PICALM: variants seen among roughly 807,000 people sequenced by gnomAD.
PICALM encodes phosphatidylinositol binding clathrin assembly protein.
Under a neutral mutation model 80.5 loss-of-function variants are expected in PICALM, and 40 were observed. The observed-to-expected ratio is 0.50, with a 90% CI of 0.39 to 0.65. The LOEUF (loss-of-function observed/expected upper bound fraction) is 0.65. Among genes scored for constraint, PICALM ranks in the 30% least tolerant of loss-of-function variants. The pLI is 0.00. For missense variants in PICALM, 676 were observed against 778.9 expected, an observed-to-expected ratio of 0.87 and a Z score of 1.57; for synonymous variants, 288 against 260.3, an observed-to-expected ratio of 1.11 and a Z score of -1.02.
rs781608320 is a variant in PICALM, at chr11:85,990,387, G to A, written c.1271C>T (p.Ala424Val). 6.2e-7 allele frequency: 1 copy of A among 1,603,908 alleles called. No homozygotes were observed. Among genetic ancestry groups the A allele is most frequent in the East Asian group, 2.2e-5 (1 of 44,720 alleles). The part of the protein sequence containing the change: ...VASTWGDPFS[A>V]TVDAVDDAIP... ...GGCATCATCAACAGCATCTACAGTAGCAGAGAAAGGATCTGTGCAGTCCAA... is the reference window on the plus strand; with the variant it reads ...GGCATCATCAACAGCATCTACAGTAACAGAGAAAGGATCTGTGCAGTCCAA... Residue 424 changes from alanine (A) to valine (V), a missense_variant, in exon 13 of 20, where the codon GCT becomes GTT. Physicochemically the swap from Ala to Val is moderately conservative, Grantham distance 64. Around this residue, in one of 2 missense-constraint regions of PICALM, gnomAD observed 391 missense variants for 383.6 expected, o/e 1.02. Coordinates refer to ENST00000393346, the MANE Select transcript of PICALM (RefSeq NM_007166.4).
At chr11:86,038,307 C>T (rs1252786715) in intron 1 of PICALM, among the ~76,000 whole-genome samples, 3 of 151,718 alleles carry the variant, frequency 2.0e-5, no homozygotes, top group Non-Finnish European at 2.9e-5. Context: ...GGCAACAGAG[C>T]GAGACTCCAT....
chr11:86,001,394 T>C lies in PICALM; in HGVS notation c.894-236A>G, dbSNP rs17745105. Among the ~76,000 whole-genome samples, 24,237 of 152,192 alleles carry C rather than the reference T, an allele frequency of 0.16. 2,514 individuals are homozygous for C. The highest frequency in any genetic ancestry group is 0.24 in the Middle Eastern group (71 of 294). On this transcript the variant is annotated intron_variant, in intron 9 of 19. Coordinates refer to ENST00000393346, the MANE Select transcript of PICALM (RefSeq NM_007166.4). ...ACTGCTTTCAGAGTAAGTGTTTGAC[T>C]TTGGAAAGGGTTCACAACAGAGTGG...
intron 4 of PICALM, 39 bp from the exon 5 acceptor site, chr11:86,015,002 G>A: frequency 8.1e-7 from 1 of 1,228,424 alleles, no homozygotes; most frequent in Non-Finnish European, 1.2e-6. Flanking sequence ...AAATGAATCT[G>A]CAATTAAATC....
At chr11:86,014,991 C>T (rs1244468477) in intron 4 of PICALM, 28 bp from the exon 5 acceptor site, 2 of 1,320,206 alleles carry the variant, frequency 1.5e-6, no homozygotes, top group South Asian at 1.3e-5. Flanking sequence ...GAGAAATAAA[C>T]AAATGAATCT....
chr11:86,022,585 C>G, intron 3 of PICALM, 116 bp from the exon 4 acceptor site: 1 of 537,818 alleles, frequency 1.9e-6, no homozygotes, highest in Non-Finnish European at 3.3e-6. Context: ...TATAAAATGT[C>G]TTGATATCCC....
In PICALM at chr11:86,003,373, C is replaced by T; in HGVS notation, c.886G>A (p.Ala296Thr). 3 of 1,584,598 alleles carry T rather than the reference C, an allele frequency of 1.9e-6. No homozygotes were observed. Among genetic ancestry groups the T allele is most frequent in the African/African-American group, 1.3e-5 (1 of 74,696 alleles). The change falls in exon 9 of 20, where the codon GCA (alanine) becomes ACA (threonine). Residue 296 changes from alanine (A) to threonine (T), a missense_variant. Ala to Thr is a moderately conservative substitution (Grantham distance 58). Around this residue, in one of 2 missense-constraint regions of PICALM, gnomAD observed 285 missense variants for 395.4 expected, o/e 0.72. Coordinates refer to ENST00000393346, the MANE Select transcript of PICALM (RefSeq NM_007166.4). ...CTACAAAGAATGATATACCTGCTTG[C>T]AGCTGTAGAATCTTTGATTTTCTTT... is the stretch of plus-strand genomic sequence containing the variant. ...EGKKIKDSTA[A>T]SRATTLSNAV...
chr11:86,011,843 T>A (rs1312194427), intron 6 of PICALM, among the ~76,000 whole-genome samples: 1 of 150,812 alleles, frequency 6.6e-6, no homozygotes, highest in East Asian at 1.9e-4. Flanking sequence ...AAACTTACTA[T>A]CCTTTTTGTT....
Position 86,004,708 on chromosome 11 carries a change from C to T in PICALM, c.808-1257G>A, listed in dbSNP as rs1229509540. On this transcript the variant is annotated intron_variant, in intron 8 of 19. Coordinates refer to ENST00000393346, the MANE Select transcript of PICALM (RefSeq NM_007166.4). ...GGATTTGAGACACAGTTTCTGGATA[C>T]AGGATCTAAAAATAGTTAAAGGGGC... Among the ~76,000 whole-genome samples, 3 of 152,102 alleles carry T rather than the reference C, an allele frequency of 2.0e-5. No individual in the cohort carries two copies. The East Asian group carries it at 5.8e-4, about 29-fold the overall frequency.
At chr11:85,982,029 G>C in intron 14 of PICALM, 26 bp from the exon 15 acceptor site, 3 of 1,607,546 alleles carry the variant, frequency 1.9e-6, no homozygotes, top group Non-Finnish European at 2.6e-6. Context: ...AGACGAAATA[G>C]AATTTGTAAG....
At chr11:85,999,510 G>A (rs1000936259) in intron 11 of PICALM, among the ~76,000 whole-genome samples, 1 of 152,180 alleles carries the variant, frequency 6.6e-6, no homozygotes, top group East Asian at 1.9e-4. Flanking sequence ...CCTTAATGGG[G>A]TCAATGTTAC....
At chr11:85,967,315 C>T (rs2093934091) in intron 19 of PICALM, among the ~76,000 whole-genome samples, 1 of 152,208 alleles carries the variant, frequency 6.6e-6, no homozygotes, top group African/African-American at 2.4e-5. Context: ...CAGAACTTCA[C>T]AGGCACCCCG....
intron 4 of PICALM, among the ~76,000 whole-genome samples, chr11:86,021,165 T>C (rs967929608): frequency 5.9e-5 from 9 of 152,046 alleles, no homozygotes; most frequent in Non-Finnish European, 1.2e-4. Context: ...CTTGGCAACA[T>C]AGTGAGAACT....
chr11:86,001,319 T>C (rs2095136824), intron 9 of PICALM, among the ~76,000 whole-genome samples, 161 bp from the exon 10 acceptor site: 1 of 152,228 alleles, frequency 6.6e-6, no homozygotes, highest in Non-Finnish European at 1.5e-5. Flanking sequence ...TTCTACCTAG[T>C]GATCTACAGG....
rs890996944 is a variant in PICALM, at chr11:86,068,175, G to C, written c.130+476C>G. Among the ~76,000 whole-genome samples the C allele has an allele frequency of 5.3e-5, 8 of 152,206 alleles. No individual in the cohort carries two copies. The East Asian group carries it at 1.2e-3, about 22-fold the overall frequency. ...GGATCCCTTCCAGGGAGGCAGCCCG[G>C]AGGGATAACAAGGATCTGGATGCAA... is the stretch of plus-strand genomic sequence containing the variant. On this transcript the variant is annotated intron_variant, in intron 1 of 19. Transcript: ENST00000393346.
At chr11:85,976,267 G>A (rs1470727647) in intron 18 of PICALM, among the ~76,000 whole-genome samples, 1 of 152,134 alleles carries the variant, frequency 6.6e-6, no homozygotes, top group East Asian at 1.9e-4. Context: ...TACAATTCAA[G>A]TGTTAATCCC....
intron 19 of PICALM, chr11:85,960,701 A>G (rs1236465880): frequency 7.6e-7 from 1 of 1,316,578 alleles, no homozygotes; most frequent in Non-Finnish European, 1.0e-6. Context: ...GAAATCCTCC[A>G]AAGAGAGCTC....
intron 3 of PICALM, among the ~76,000 whole-genome samples, chr11:86,023,044 T>C (rs1451716931): frequency 2.0e-5 from 3 of 152,138 alleles, no homozygotes; most frequent in Admixed American, 2.0e-4. Flanking sequence ...CATAAATCAT[T>C]CTAAGATTTT....
intron 1 of PICALM, among the ~76,000 whole-genome samples, chr11:86,047,616 A>G (rs1405136702): frequency 1.3e-5 from 2 of 152,258 alleles, no homozygotes; most frequent in African/African-American, 4.8e-5. Flanking sequence ...AGATGTAATT[A>G]CTATCAATTC....
intron 19 of PICALM, among the ~76,000 whole-genome samples, chr11:85,974,273 T>C (rs2094202006): frequency 6.6e-6 from 1 of 152,130 alleles, no homozygotes; most frequent in African/African-American, 2.4e-5. Context: ...AAAAATAACA[T>C]TCAAAACTTT....
Sources: allele counts gnomAD v4.1 joint callset (sites outside exome capture counted in the v4.1 genomes callset), GRCh38; gene constraint gnomAD v4.1.1; regional missense constraint gnomAD v4.1.1; transcripts MANE v1.5; gene names NCBI Gene and HGNC (gene_info 2026-07-23, HGNC 2026-07-21).